Variants in SPINK9 observed in about 807,000 individuals in gnomAD.
SPINK9 encodes the protein serine protease inhibitor Kazal-type 9.
SPINK9 carries 3 observed loss-of-function variants against 10.8 expected under a neutral mutation model. That is an observed-to-expected ratio of 0.28 (90% CI 0.13 to 0.72). The LOEUF (loss-of-function observed/expected upper bound fraction) is 0.72. Ranked by LOEUF, SPINK9 falls within the 30% of genes least tolerant of loss-of-function variation. The pLI is 0.74. For missense variants in SPINK9, 101 were observed against 103.2 expected (o/e 0.98, Z 0.09); for synonymous variants, 30 against 31.2 (o/e 0.96, Z 0.12).
chr5:148,327,994 T>C (rs1757089380), intron 2 of SPINK9, among the ~76,000 whole-genome samples: 1 of 151,148 alleles, frequency 6.6e-6, no homozygotes, highest in Non-Finnish European at 1.5e-5. Flanking sequence ...TGCGGGCTCT[T>C]TTTTGGTTCC....
chr5:148,338,635 T>C, intron 3 of SPINK9, 30 bp downstream of exon 3: 1 of 1,491,882 alleles, frequency 6.7e-7, no homozygotes, highest in Non-Finnish European at 9.2e-7. Context: ...CTTTTTCATA[T>C]TTAAGGTAAA....
chr5:148,338,564 C>T lies in SPINK9; in HGVS notation c.174C>T (p.Gly58=). 1.9e-6 allele frequency: 3 copies of T among 1,600,690 alleles called. No individual in the cohort carries two copies. Among genetic ancestry groups the T allele is most frequent in the Non-Finnish European group, 2.6e-6 (3 of 1,169,840 alleles). The change falls in exon 3 of 4, where the codon GGC becomes GGT. Residue 58 remains glycine (G), a synonymous_variant. Transcript: ENST00000377906. ...ATGATCCAATTTGTGGATCTGATGG[C>T]AAAACTTATAAAAATGATTGCTTCT... ...HMYDPICGSD[G]KTYKNDCFFC...
intron 2 of SPINK9, among the ~76,000 whole-genome samples, chr5:148,329,372 T>G (rs1367431677): frequency 6.6e-6 from 1 of 152,164 alleles, no homozygotes; most frequent in Non-Finnish European, 1.5e-5. Flanking sequence ...CATTTTTTAT[T>G]GCATCTATTT....
chr5:148,323,589 G>T, intron 1 of SPINK9: 2 of 489,684 alleles, frequency 4.1e-6, no homozygotes, highest in Non-Finnish European at 7.2e-6. Flanking sequence ...TTATTCTTAG[G>T]AAGAGTAAAT....
upstream of SPINK9, among the ~76,000 whole-genome samples, chr5:148,333,228 G>A (rs190635796): frequency 1.3e-4 from 20 of 152,226 alleles, no homozygotes; most frequent in Non-Finnish European, 2.1e-4. Context: ...TTCTTTTATC[G>A]GTTTAATATG....
At chr5:148,329,925 C>A (rs959492710) in intron 2 of SPINK9, among the ~76,000 whole-genome samples, 2 of 152,046 alleles carry the variant, frequency 1.3e-5, no homozygotes, top group South Asian at 2.1e-4. Context: ...TTACTTCCAA[C>A]TATGTGGTCA....
At chr5:148,321,737 A>C (rs1012714559) in intron 1 of SPINK9, among the ~76,000 whole-genome samples, 1 of 152,240 alleles carries the variant, frequency 6.6e-6, no homozygotes, top group Non-Finnish European at 1.5e-5. Context: ...TTGAGAAAGC[A>C]TCAATGAAGC....
upstream of SPINK9, among the ~76,000 whole-genome samples, chr5:148,331,646 A>G (rs1047467513): frequency 1.3e-5 from 2 of 152,236 alleles, no homozygotes; most frequent in Non-Finnish European, 2.9e-5. Context: ...CAAAAAAATG[A>G]TAAGTATTTG....
At chr5:148,324,037 A>T (rs578066348) in intron 2 of SPINK9, among the ~76,000 whole-genome samples, 3 of 152,208 alleles carry the variant, frequency 2.0e-5, no homozygotes, top group African/African-American at 7.2e-5. Context: ...AAATCTAAAG[A>T]AACAATTATG....
intron 1 of SPINK9, among the ~76,000 whole-genome samples, chr5:148,336,067 T>A (rs563466660): frequency 6.3e-4 from 96 of 152,022 alleles, no homozygotes; most frequent in African/African-American, 2.2e-3. Flanking sequence ...TGTTCCAACA[T>A]CTGTCATCTA....
chr5:148,338,406 C>T, intron 2 of SPINK9, 72 bp from the exon 3 acceptor site: 1 of 1,469,172 alleles, frequency 6.8e-7, no homozygotes, highest in Non-Finnish European at 9.2e-7. Flanking sequence ...TCTGAGCTTG[C>T]TTGAAAAATC....
In SPINK9 at chr5:148,339,759, G is replaced by A. The variant is rs369290478; in HGVS notation, c.*47G>A. 3 of 1,493,856 alleles carry A rather than the reference G, an allele frequency of 2.0e-6. No homozygotes were observed. Among genetic ancestry groups the A allele is most frequent in the East Asian group, 4.5e-5 (2 of 44,138 alleles). The allele number at this position is 1,493,856 out of a possible 1,614,324, so 92.5% of individuals were successfully genotyped here. A position where few individuals can be genotyped will look rare whatever the true frequency, so the allele number is the denominator to read the frequency against. On this transcript the variant is annotated 3_prime_UTR_variant, in exon 4 of 4. Coordinates refer to ENST00000377906, the MANE Select transcript of SPINK9 (RefSeq NM_001040433.2). ...TATCTTTTAATGCATCTATTCACAA[G>A]AGTCACATTTCTGTTCCCATATTAT...
intron 2 of SPINK9, among the ~76,000 whole-genome samples, chr5:148,329,810 TG>T (rs1757122731): frequency 6.6e-6 from 1 of 152,198 alleles, no homozygotes; most frequent in Non-Finnish European, 1.5e-5. Context: ...TGTAGTTGTG[TG>T]CTTTTGAGTG....
intron 1 of SPINK9, chr5:148,321,414 A>C (rs886627591): frequency 1.3e-5 from 2 of 152,196 alleles, no homozygotes; most frequent in African/African-American, 2.4e-5. Flanking sequence ...TCAGTGATGG[A>C]AGATGAAATG....
chr5:148,329,504 C>T (rs1757118444), intron 2 of SPINK9, among the ~76,000 whole-genome samples: 1 of 152,162 alleles, frequency 6.6e-6, no homozygotes, highest in Non-Finnish European at 1.5e-5. Context: ...TCTTTATCTC[C>T]TTCAGTTCCG....
intron 1 of SPINK9, among the ~76,000 whole-genome samples, chr5:148,322,507 T>C (rs1332281095): frequency 2.6e-5 from 4 of 152,220 alleles, no homozygotes; most frequent in African/African-American, 4.8e-5. Flanking sequence ...TCATTGCTTA[T>C]GTGGAAGTCC....
chr5:148,327,867 C>G (rs1051941127), intron 2 of SPINK9, among the ~76,000 whole-genome samples: 2 of 151,804 alleles, frequency 1.3e-5, no homozygotes, highest in East Asian at 1.9e-4. Flanking sequence ...TGGTCTATAT[C>G]TTTGTTTTTG....
intron 2 of SPINK9, among the ~76,000 whole-genome samples, chr5:148,325,372 T>C (rs1289054858): frequency 2.0e-5 from 3 of 152,242 alleles, no homozygotes; most frequent in Non-Finnish European, 1.5e-5. Context: ...CCATTTTACA[T>C]TTTCATTTAC....
chr5:148,321,962 C>T (rs1489784268), intron 1 of SPINK9, among the ~76,000 whole-genome samples: 3 of 152,114 alleles, frequency 2.0e-5, no homozygotes, highest in Non-Finnish European at 2.9e-5. Flanking sequence ...TGATGGCTAA[C>T]AGTTGTTTTA....
Sources: gnomAD v4.1 joint callset for allele counts (sites outside exome capture counted in the v4.1 genomes callset) on GRCh38, gnomAD v4.1.1 for gene constraint, MANE v1.5 for transcripts, NCBI Gene and HGNC (gene_info 2026-07-23, HGNC 2026-07-21) for gene names.